Variants in IREB2 observed in about 807,000 individuals in gnomAD.
IREB2 encodes iron responsive element binding protein 2.
IREB2 carries 39 observed loss-of-function variants against 118.8 expected under a neutral mutation model. The ratio of observed to expected loss-of-function variants is 0.33; its 90% CI spans 0.25 to 0.43. IREB2 has a LOEUF of 0.43. Among genes scored for constraint, IREB2 ranks in the 20% least tolerant of loss-of-function variants. The pLI, the probability that IREB2 is intolerant of heterozygous loss-of-function variation, is 1.00. For synonymous variants in IREB2, 372 were observed against 392.2 expected (o/e 0.95, Z 0.61); for missense variants, 900 against 1,147.3 (o/e 0.78, Z 3.11).
chr15:78,438,263 C>G lies in IREB2; in HGVS notation c.-75C>G, dbSNP rs541886386. 12 of 1,176,298 alleles carry G rather than the reference C, an allele frequency of 1.0e-5. No individual in the cohort carries two copies. Among genetic ancestry groups the G allele is most frequent in the Middle Eastern group, 1.9e-4 (1 of 5,306 alleles). 72.9% of individuals were successfully genotyped at this position (1,176,298 alleles called of 1,614,324 possible). On this transcript the variant is annotated 5_prime_UTR_variant, in exon 1 of 22. Transcript: ENST00000258886. Reference sequence around the variant, plus strand: ...CCTTGCCAGTCCGCCTGTCTTCCTCCCCGTCTTCCCTGCCCGGCCTCCCCC... The same window carrying G: ...CCTTGCCAGTCCGCCTGTCTTCCTCGCCGTCTTCCCTGCCCGGCCTCCCCC...
intron 2 of IREB2, among the ~76,000 whole-genome samples, chr15:78,452,636 G>T (rs1311662358): frequency 6.6e-6 from 1 of 152,112 alleles, no homozygotes; most frequent in Non-Finnish European, 1.5e-5. Flanking sequence ...GCTTGGCATG[G>T]TGACCCACAC....
intron 5 of IREB2, 80 bp downstream of exon 5, chr15:78,466,569 C>T: frequency 1.1e-6 from 1 of 909,074 alleles, no homozygotes; most frequent in Non-Finnish European, 1.8e-6. Context: ...CTCTTCCCAC[C>T]CAATTACTAT....
intron 2 of IREB2, among the ~76,000 whole-genome samples, chr15:78,447,184 T>C (rs2050944215): frequency 6.6e-6 from 1 of 151,204 alleles, no homozygotes; most frequent in Non-Finnish European, 1.5e-5. Context: ...TCTTTCTTTT[T>C]TTTTTTTTTT....
chr15:78,445,818 TC>T (rs2059521708), intron 2 of IREB2, among the ~76,000 whole-genome samples: 1 of 152,174 alleles, frequency 6.6e-6, no homozygotes, highest in Admixed American at 6.5e-5. Context: ...AGGGTCTTGC[TC>T]TGTTGCCCAG....
rs2051629978 is a variant in IREB2 at position 78,484,690 on chromosome 15, G to A, written c.1414-71G>A. 5.4e-6 allele frequency: 6 copies of A among 1,104,516 alleles called. No homozygotes were observed. In the East Asian group the frequency reaches 1.4e-4, roughly 27 times the overall value. The allele number at this position is 1,104,516 out of a possible 1,614,324, so 68.4% of individuals were successfully genotyped here. On this transcript the variant is annotated intron_variant, in intron 11 of 21. Transcript: ENST00000258886. ...TCATCAAATGTCCGGTATCTGCTAT[G>A]TTTTCTGCCAGTCTTTTATTCTGTA...
rs1017586224 is a variant in IREB2 at position 78,445,017 on chromosome 15, C to A, written c.106+5136C>A. 4.6e-5 allele frequency among the ~76,000 whole-genome samples: 7 copies of A among 152,260 alleles called. No homozygotes were observed. In the East Asian group the frequency reaches 1.2e-3, roughly 25 times the overall value. On this transcript the variant is annotated intron_variant, in intron 2 of 21. Coordinates refer to ENST00000258886, the MANE Select transcript of IREB2 (RefSeq NM_004136.4). ...TAAACTTTGTATGTGCTAATACTTACATTTTTGTGCAAACTTATCATTATA... is the reference window on the plus strand; with the variant it reads ...TAAACTTTGTATGTGCTAATACTTAAATTTTTGTGCAAACTTATCATTATA...
At chr15:78,448,123 G>A (rs932935962) in intron 2 of IREB2, among the ~76,000 whole-genome samples, 1 of 152,110 alleles carries the variant, frequency 6.6e-6, no homozygotes, top group African/African-American at 2.4e-5. Context: ...CTCTCTCAAT[G>A]GCAATGTATG....
At chr15:78,469,501 G>A (rs4887058) in intron 5 of IREB2, among the ~76,000 whole-genome samples, 148,161 of 152,144 alleles carry the variant, frequency 0.97, 72,253 homozygotes, top group East Asian at 1. Context: ...GGGTGGATCA[G>A]TCACCTGAGA....
In IREB2 at chr15:78,453,943, TTCC is replaced by T. The variant is rs529727535; in HGVS notation, c.107-8976_107-8974del. On this transcript the variant is annotated intron_variant, in intron 2 of 21. Transcript: ENST00000258886. ...TCTGCGTTGATGTTTTAGGAATTTTTTCCTCATTCTTCCTCCTCAACATAAAAC... is the reference window on the plus strand; with the variant it reads ...TCTGCGTTGATGTTTTAGGAATTTTTTCATTCTTCCTCCTCAACATAAAAC... Among the ~76,000 whole-genome samples the T allele has an allele frequency of 5.4e-4, 83 of 152,348 alleles. 2 individuals are homozygous for T. In the South Asian group the frequency reaches 0.017, roughly 32 times the overall value.
intron 20 of IREB2, among the ~76,000 whole-genome samples, chr15:78,496,640 G>T (rs1243811188): frequency 1.3e-5 from 2 of 151,970 alleles, no homozygotes; most frequent in Non-Finnish European, 2.9e-5. Flanking sequence ...TATTGCCCAG[G>T]CTGGTCTCAA....
intron 10 of IREB2, 27 bp downstream of exon 10, chr15:78,478,424 G>T (rs948807694): frequency 2.3e-6 from 3 of 1,318,120 alleles, no homozygotes; most frequent in Non-Finnish European, 3.3e-6. Flanking sequence ...CCACCTCGTA[G>T]CAAAGAGTGT....
intron 8 of IREB2, chr15:78,473,611 T>A (rs139614134): frequency 2.2e-6 from 1 of 461,972 alleles, no homozygotes. Context: ...TTAGTCCTTA[T>A]AACAAGCCTG....
At chr15:78,469,434 A>AT (rs906553522) in intron 5 of IREB2, among the ~76,000 whole-genome samples, 8 of 151,948 alleles carry the variant, frequency 5.3e-5, no homozygotes, top group Non-Finnish European at 1.0e-4. Flanking sequence ...AAAAAAAAAA[A>AT]GTTGTCCGAG....
Position 78,484,906 on chromosome 15 carries a change from T to C in IREB2, c.1559T>C (p.Val520Ala). 6.2e-7 allele frequency: 1 copy of C among 1,613,430 alleles called. No individual in the cohort carries two copies. The highest frequency in any genetic ancestry group is 1.1e-5 in the South Asian group (1 of 90,966). The change falls in exon 12 of 22, where the codon GTC (valine) becomes GCC (alanine). Residue 520 changes from valine to alanine, a missense_variant. Transcript: ENST00000258886. ...ISCTNNCNPS[V>A]MLAAGLLAKK... ...TGTACCAATAATTGCAATCCATCTG[T>C]CATGCTTGCTGCAGGTGGGTTGTGG... is the stretch of plus-strand genomic sequence containing the variant.
intron 2 of IREB2, among the ~76,000 whole-genome samples, chr15:78,450,847 TGTGTGTGTGTGTGTGTG>T (rs2051013353): frequency 6.6e-6 from 1 of 151,356 alleles, no homozygotes; most frequent in African/African-American, 2.4e-5. Flanking sequence ...TGTGTGTGTG[TGTGTGTGTGTGTGTGTG>T]TGTGTGTGTA....
intron 5 of IREB2, among the ~76,000 whole-genome samples, chr15:78,467,428 A>G (rs2051302565): frequency 6.6e-6 from 1 of 152,190 alleles, no homozygotes; most frequent in African/African-American, 2.4e-5. Context: ...GCGGTGGCGC[A>G]TGCCTGGAAT....
intron 16 of IREB2, among the ~76,000 whole-genome samples, chr15:78,489,222 CAAAA>C (rs5813920): frequency 2.5e-5 from 3 of 120,800 alleles, no homozygotes; most frequent in Admixed American, 8.1e-5. Flanking sequence ...AACTCTGTCT[CAAAA>C]AAAAAAAAAA....
chr15:78,484,273 T>TA (rs1288915247), intron 11 of IREB2, among the ~76,000 whole-genome samples: 1 of 152,176 alleles, frequency 6.6e-6, no homozygotes, highest in Non-Finnish European at 1.5e-5. Context: ...CAGAAAGTGT[T>TA]AAACTTGTAC....
In IREB2 at chr15:78,465,883, A is replaced by G. The variant is rs746989955; in HGVS notation, c.411-388A>G. Among the ~76,000 whole-genome samples, 4 of 152,210 alleles carry G rather than the reference A, an allele frequency of 2.6e-5. No individual in the cohort carries two copies. The East Asian group carries it at 7.7e-4, about 29-fold the overall frequency. ...ACTTTTTAAAAACGTTCCCTGGAGT[A>G]GTAGAATAAGACTGCAATTTATTAT... On this transcript the variant is annotated intron_variant, in intron 4 of 21. Coordinates refer to ENST00000258886, the MANE Select transcript of IREB2 (RefSeq NM_004136.4).
Sources: allele counts gnomAD v4.1 joint callset (sites outside exome capture counted in the v4.1 genomes callset), GRCh38; gene constraint gnomAD v4.1.1; transcripts MANE v1.5; gene names NCBI Gene and HGNC (gene_info 2026-07-23, HGNC 2026-07-21).